The following FANCM variants were observed in gnomAD, a reference collection of about 807,000 sequenced individuals.
The protein encoded by FANCM is FA complementation group M, also known as Fanconi anemia group M protein.
Under a neutral mutation model 199.5 loss-of-function variants are expected in FANCM, and 140 were observed. That is an observed-to-expected ratio of 0.70 (90% CI 0.61 to 0.81). The LOEUF (loss-of-function observed/expected upper bound fraction) is 0.81. Among genes scored for constraint, FANCM ranks in the 30% least tolerant of loss-of-function variants. The pLI, the probability that FANCM is intolerant of heterozygous loss-of-function variation, is 0.00. For missense variants in FANCM, 2,410 were observed against 2,421.4 expected (o/e 1.00, Z 0.10); for synonymous variants, 840 against 836.8 (o/e 1.00, Z -0.07).
intron 20 of FANCM, among the ~76,000 whole-genome samples, chr14:45,189,883 G>A (rs1178055148): frequency 1.3e-5 from 2 of 151,094 alleles, no homozygotes; most frequent in African/African-American, 2.4e-5. Flanking sequence ...TAGGAGAATC[G>A]CTTAAATCCG....
chr14:45,189,421 T>C (rs933407539), intron 20 of FANCM, 59 bp downstream of exon 20: 1 of 1,360,504 alleles, frequency 7.4e-7, no homozygotes, highest in African/African-American at 1.4e-5. Context: ...TTTCTTTTTC[T>C]TTCTTGTGTG....
At chr14:45,145,395 A>C (rs1378350391) in intron 3 of FANCM, among the ~76,000 whole-genome samples, 3 of 152,040 alleles carry the variant, frequency 2.0e-5, no homozygotes, top group Non-Finnish European at 4.4e-5. Context: ...GCAGGAACTT[A>C]AGTTCCAACC....
intron 3 of FANCM, among the ~76,000 whole-genome samples, chr14:45,146,540 G>T (rs1053238842): frequency 2.6e-5 from 4 of 151,658 alleles, no homozygotes; most frequent in African/African-American, 9.7e-5. Flanking sequence ...CCCTGACCTC[G>T]TTTAAACATT....
intron 2 of FANCM, among the ~76,000 whole-genome samples, chr14:45,139,109 A>G (rs1885731014): frequency 6.6e-6 from 1 of 152,212 alleles, no homozygotes; most frequent in Admixed American, 6.5e-5. Context: ...TACTGCACTC[A>G]TGACTTTTCA....
rs1048414955 is a variant in FANCM, at chr14:45,144,320, C to T, written c.759+3611C>T. On this transcript the variant is annotated intron_variant, in intron 3 of 22. Coordinates refer to ENST00000267430, the MANE Select transcript of FANCM (RefSeq NM_020937.4). Reference sequence around the variant, plus strand: ...AATGTAGTGTCCCCTCCACCCCCCTCGCCCACTACCCTTCCCAGCCTCTGT... The same window carrying T: ...AATGTAGTGTCCCCTCCACCCCCCTTGCCCACTACCCTTCCCAGCCTCTGT... Among the ~76,000 whole-genome samples, 31 of 149,754 alleles carry T rather than the reference C, an allele frequency of 2.1e-4. 1 individual carries two copies. The highest frequency in any genetic ancestry group is 1.9e-3 in the Admixed American group (29 of 15,192).
Position 45,196,510 on chromosome 14 carries a change from A to T in FANCM, c.5679A>T (p.Arg1893Ser), listed in dbSNP as rs750143582. ...AGCACCTGCAGAGTATGTTTGAAAG[A>T]ATATGTGTGATTGTGGAAAAGGACA... ...QIQHLQSMFE[R>S]ICVIVEKDRE... is the part of the protein sequence containing the mutation. The change falls in exon 21 of 23, where the codon AGA becomes AGT. Residue 1893 changes from arginine to serine, a missense_variant. Coordinates refer to ENST00000267430, the MANE Select transcript of FANCM (RefSeq NM_020937.4). 3 of 1,614,076 alleles carry T rather than the reference A, an allele frequency of 1.9e-6. No individual in the cohort carries two copies. Among genetic ancestry groups the T allele is most frequent in the Non-Finnish European group, 2.5e-6 (3 of 1,179,992 alleles).
intron 21 of FANCM, among the ~76,000 whole-genome samples, chr14:45,197,555 C>T (rs1338869468): frequency 6.6e-6 from 1 of 151,574 alleles, no homozygotes; most frequent in East Asian, 1.9e-4. Context: ...ACCTCCACCT[C>T]CCGGGTTCAA....
chr14:45,198,558 T>G, intron 21 of FANCM, 86 bp from the exon 22 acceptor site: 7 of 674,618 alleles, frequency 1.0e-5, no homozygotes, highest in Non-Finnish European at 1.5e-5. Flanking sequence ...GTGTAGATCT[T>G]GGGATTTTAA....
intron 14 of FANCM, among the ~76,000 whole-genome samples, chr14:45,178,022 C>T (rs1001557862): frequency 3.9e-5 from 6 of 152,174 alleles, no homozygotes; most frequent in African/African-American, 1.2e-4. Context: ...TATAATACAA[C>T]TCTACAGATT....
chr14:45,199,539 T>C (rs186873484), intron 22 of FANCM, among the ~76,000 whole-genome samples: 234 of 152,312 alleles, frequency 1.5e-3, no homozygotes, highest in Non-Finnish European at 2.5e-3. Context: ...TTCTTAAAAG[T>C]GCACAAGGAT....
chr14:45,144,995 C>T (rs1886259756), intron 3 of FANCM, among the ~76,000 whole-genome samples: 1 of 152,002 alleles, frequency 6.6e-6, no homozygotes, highest in Non-Finnish European at 1.5e-5. Context: ...GACATATTAC[C>T]TGGGTATTGC....
At chr14:45,183,998 A>T in intron 17 of FANCM, 96 bp downstream of exon 17, 1 of 886,986 alleles carries the variant, frequency 1.1e-6, no homozygotes, top group Non-Finnish European at 1.7e-6. Context: ...CATTCTCTTT[A>T]TAGAAAAAAA....
intron 11 of FANCM, among the ~76,000 whole-genome samples, chr14:45,168,743 G>A (rs1888142833): frequency 6.9e-6 from 1 of 145,798 alleles, no homozygotes; most frequent in South Asian, 2.1e-4. Context: ...TTTTGCTAAT[G>A]TATGCTAACT....
At chr14:45,182,319 A>G (rs1440858472) in intron 16 of FANCM, among the ~76,000 whole-genome samples, 1 of 152,240 alleles carries the variant, frequency 6.6e-6, no homozygotes, top group Non-Finnish European at 1.5e-5. Context: ...GATTGTAAAA[A>G]CAAAAGAGTT....
In FANCM at chr14:45,154,704, A is replaced by G; in HGVS notation, c.1191A>G (p.Thr397=). The G allele has an allele frequency of 6.3e-7, 1 of 1,592,418 alleles. No individual in the cohort carries two copies. Among genetic ancestry groups the G allele is most frequent in the Non-Finnish European group, 8.6e-7 (1 of 1,164,284 alleles). ...TTTTCTTAATTTCTGAAGGGATGACACGGTCAAAAAATGAACTTGGCCGAA... is the reference window on the plus strand; with the variant it reads ...TTTTCTTAATTTCTGAAGGGATGACGCGGTCAAAAAATGAACTTGGCCGAA... ...CGIMDGTKGM[T]RSKNELGRNE... The change falls in exon 7 of 23, where the codon ACA becomes ACG. Residue 397 remains threonine, a synonymous_variant. Coordinates refer to ENST00000267430, the MANE Select transcript of FANCM (RefSeq NM_020937.4).
At chr14:45,164,099 T>C (rs1407337451) in intron 9 of FANCM, among the ~76,000 whole-genome samples, 2 of 152,140 alleles carry the variant, frequency 1.3e-5, no homozygotes, top group Non-Finnish European at 2.9e-5. Flanking sequence ...GCATACACCA[T>C]CATGCTGGGC....
intron 16 of FANCM, among the ~76,000 whole-genome samples, chr14:45,183,071 G>A (rs764801683): frequency 1.1e-4 from 17 of 152,002 alleles, no homozygotes; most frequent in South Asian, 4.2e-4. Flanking sequence ...CGTAAGTTGG[G>A]GACCATATGT....
At chr14:45,179,762 A>G (rs1888950446) in intron 14 of FANCM, among the ~76,000 whole-genome samples, 2 of 151,678 alleles carry the variant, frequency 1.3e-5, no homozygotes, top group African/African-American at 4.8e-5. Context: ...GGGTATCACC[A>G]TATTGGCCAG....
In FANCM at chr14:45,198,808, G is replaced by A. The variant is rs753648770; in HGVS notation, c.5881G>A (p.Val1961Ile). 1.9e-6 allele frequency: 3 copies of A among 1,613,790 alleles called. No homozygotes were observed. The South Asian group carries it at 3.3e-5, about 18-fold the overall frequency. ...ACAAAGAAAGAATGTTGGTATTCAT[G>A]TTCCAACAGTGGTGAATAGTAATAA... ...VEQRKNVGIHVPTVVNSNKSE... is the reference protein window; with the variant it reads ...VEQRKNVGIHIPTVVNSNKSE... The change falls in exon 22 of 23, where the codon GTT becomes ATT. Residue 1961 changes from valine to isoleucine, a missense_variant. By Grantham distance (29) the Val-to-Ile change is conservative. Coordinates refer to ENST00000267430, the MANE Select transcript of FANCM (RefSeq NM_020937.4).
Sources: gnomAD v4.1 joint callset for allele counts (sites outside exome capture counted in the v4.1 genomes callset) on GRCh38, gnomAD v4.1.1 for gene constraint, MANE v1.5 for transcripts, NCBI Gene and HGNC (gene_info 2026-07-23, HGNC 2026-07-21) for gene names.